Variants in SLC7A11 observed in about 807,000 individuals in gnomAD.
SLC7A11 encodes cystine/glutamate transporter.
Under a neutral mutation model 54.5 loss-of-function variants are expected in SLC7A11, and 35 were observed. The observed-to-expected ratio is 0.64, with a 90% CI of 0.49 to 0.85. The LOEUF is 0.85. SLC7A11 is among the 40% of genes least tolerant of loss of function. The pLI, the probability that SLC7A11 is intolerant of heterozygous loss-of-function variation, is 0.00. For synonymous variants in SLC7A11, 230 were observed against 225.2 expected (o/e 1.02, Z -0.19); for missense variants, 583 against 618.1 (o/e 0.94, Z 0.60).
chr4:138,179,339 A>G lies in SLC7A11; in HGVS notation c.1322T>C (p.Leu441Pro), dbSNP rs953758832. Residue 441 changes from leucine to proline, a missense_variant, in exon 11 of 12, where the codon CTT becomes CCT. Transcript: ENST00000280612. The stretch of plus-strand genomic sequence containing the variant: ...ACTAAATGGGTCCGAATAGAGGGAA[A>G]GGGCAACCATGAAGAGGCATGTGAA... ...FSFTCLFMVA[L>P]SLYSDPFSTG... The G allele has an allele frequency of 1.2e-6, 2 of 1,612,724 alleles. No individual in the cohort carries two copies. The highest frequency in any genetic ancestry group is 2.2e-5 in the South Asian group (2 of 91,028).
intron 1 of SLC7A11, 54 bp downstream of exon 1, chr4:138,241,739 G>T (rs907160603): frequency 2.9e-6 from 4 of 1,391,634 alleles, no homozygotes; most frequent in East Asian, 2.3e-5. Context: ...TTCCCAGAAA[G>T]CAAGCTTTCC....
At chr4:138,182,924 A>G (rs1178888223) in intron 8 of SLC7A11, among the ~76,000 whole-genome samples, 2 of 152,122 alleles carry the variant, frequency 1.3e-5, no homozygotes, top group African/African-American at 4.8e-5. Context: ...ACAGAAAATT[A>G]TATCACCAGA....
intron 3 of SLC7A11, among the ~76,000 whole-genome samples, chr4:138,229,302 C>A (rs1028210898): frequency 2.6e-5 from 4 of 152,156 alleles, no homozygotes; most frequent in Non-Finnish European, 5.9e-5. Flanking sequence ...TCTCTATCTC[C>A]ATCTCCACCC....
chr4:138,242,197 T>C lies in SLC7A11; in HGVS notation c.-128A>G, dbSNP rs775529066. ...GACTGTCTCTCTCAGCGCTATAGTGTTCACAGGTGAAAACTCAAAGGTGTG... is the reference window on the plus strand; with the variant it reads ...GACTGTCTCTCTCAGCGCTATAGTGCTCACAGGTGAAAACTCAAAGGTGTG... On this transcript the variant is annotated 5_prime_UTR_variant, in exon 1 of 12. Transcript: ENST00000280612. 24 of 1,104,260 alleles carry C rather than the reference T, an allele frequency of 2.2e-5. No homozygotes were observed. The highest frequency in any genetic ancestry group is 2.9e-5 in the Non-Finnish European group (23 of 786,672). 68.4% of individuals were successfully genotyped at this position (1,104,260 alleles called of 1,614,324 possible).
intron 11 of SLC7A11, chr4:138,176,787 T>G (rs1736580384): frequency 6.6e-6 from 1 of 152,178 alleles, no homozygotes; most frequent in South Asian, 2.1e-4. Context: ...CAGACAGATT[T>G]CACAGCGATG....
chr4:138,206,346 G>A (rs1259759245), intron 6 of SLC7A11, among the ~76,000 whole-genome samples: 1 of 149,590 alleles, frequency 6.7e-6, no homozygotes, highest in African/African-American at 2.5e-5. Flanking sequence ...TAAAACAAGA[G>A]TTTATTGTTC....
chr4:138,239,251 T>C (rs564557471), intron 1 of SLC7A11, among the ~76,000 whole-genome samples: 2 of 152,304 alleles, frequency 1.3e-5, no homozygotes, highest in South Asian at 4.1e-4. Flanking sequence ...TTACTGAAAC[T>C]CCAGGATGGT....
At chr4:138,239,249 A>G (rs918633975) in intron 1 of SLC7A11, among the ~76,000 whole-genome samples, 6 of 152,132 alleles carry the variant, frequency 3.9e-5, no homozygotes, top group African/African-American at 1.4e-4. Flanking sequence ...CTTTACTGAA[A>G]CTCCAGGATG....
At chr4:138,235,216 A>G (rs1738177305) in intron 2 of SLC7A11, among the ~76,000 whole-genome samples, 1 of 152,190 alleles carries the variant, frequency 6.6e-6, no homozygotes, top group Admixed American at 6.5e-5. Context: ...GAAAGGATTT[A>G]AGATGACCTT....
In SLC7A11 at chr4:138,214,565, G is replaced by C. The variant is rs1229830339; in HGVS notation, c.791+20C>G. On this transcript the variant is annotated intron_variant, in intron 6 of 11. Transcript: ENST00000280612. ...AATTTTATTCTTCATAAAAATTTCA[G>C]GGTACATCTGGCTACTTACTTTTCA... 7.1e-7 allele frequency: 1 copy of C among 1,416,616 alleles called. No individual in the cohort carries two copies. Among genetic ancestry groups the C allele is most frequent in the Non-Finnish European group, 9.6e-7 (1 of 1,038,980 alleles). 87.8% of individuals were successfully genotyped at this position (1,416,616 alleles called of 1,614,324 possible).
At chr4:138,196,588 G>A (rs1737137163) in intron 6 of SLC7A11, among the ~76,000 whole-genome samples, 1 of 152,038 alleles carries the variant, frequency 6.6e-6, no homozygotes, top group African/African-American at 2.4e-5. Context: ...GGGAAAAAAA[G>A]ACTTGTTATG....
chr4:138,237,808 G>A (rs1434082763), intron 1 of SLC7A11, among the ~76,000 whole-genome samples: 2 of 126,044 alleles, frequency 1.6e-5, no homozygotes, highest in Admixed American at 1.8e-4. Context: ...CTGCAGTGCA[G>A]TGGCACGATC....
chr4:138,214,462 T>A (rs1464985095), intron 6 of SLC7A11, 123 bp downstream of exon 6: 2 of 475,742 alleles, frequency 4.2e-6, no homozygotes, highest in Non-Finnish European at 7.7e-6. Context: ...ATTATAGTGA[T>A]GATGATGACG....
intron 6 of SLC7A11, among the ~76,000 whole-genome samples, chr4:138,186,975 TTAAGGTATA>T (rs1578637868): frequency 1.3e-5 from 2 of 152,118 alleles, no homozygotes; most frequent in East Asian, 3.9e-4. Context: ...AAGCATATGC[TTAAGGTATA>T]TAAAGTTTCC....
chr4:138,242,082 CGGGGGAA>C lies in SLC7A11; in HGVS notation c.-20_-14del. On this transcript the variant is annotated 5_prime_UTR_variant, in exon 1 of 12. Transcript: ENST00000280612. ...GCTTTCTGACCATAGTAGGGACACA[CGGGGGAA>C]AAATAAAACAGAGGGAAAGAAAACA... 6.2e-7 allele frequency: 1 copy of C among 1,612,048 alleles called. No homozygotes were observed. The highest frequency in any genetic ancestry group is 1.1e-5 in the South Asian group (1 of 90,984).
intron 5 of SLC7A11, among the ~76,000 whole-genome samples, chr4:138,216,819 T>A (rs1737692205): frequency 6.6e-6 from 1 of 152,026 alleles, no homozygotes; most frequent in Non-Finnish European, 1.5e-5. Flanking sequence ...ATTAGGGGGG[T>A]ATCAAACATT....
intron 1 of SLC7A11, 139 bp downstream of exon 1, chr4:138,241,654 C>T (rs1170940816): frequency 1.1e-5 from 7 of 650,818 alleles, no homozygotes; most frequent in African/African-American, 3.6e-5. Context: ...GGGTAGTTCA[C>T]GTACCCGAAC....
intron 1 of SLC7A11, among the ~76,000 whole-genome samples, chr4:138,239,801 T>A (rs754118838): frequency 6.6e-6 from 1 of 152,260 alleles, no homozygotes; most frequent in Non-Finnish European, 1.5e-5. Flanking sequence ...TACATCTGAA[T>A]AATCTTTTAT....
chr4:138,202,570 C>T (rs764587623), intron 6 of SLC7A11, among the ~76,000 whole-genome samples: 1 of 152,054 alleles, frequency 6.6e-6, no homozygotes, highest in Non-Finnish European at 1.5e-5. Context: ...GTCCCTAAGA[C>T]AGATATTCTG....
Sources: gnomAD v4.1 joint callset for allele counts (sites outside exome capture counted in the v4.1 genomes callset) on GRCh38, gnomAD v4.1.1 for gene constraint, MANE v1.5 for transcripts, NCBI Gene and HGNC (gene_info 2026-07-23, HGNC 2026-07-21) for gene names.